Variants in PUM2 observed in about 807,000 individuals in gnomAD.
PUM2 encodes the protein pumilio RNA binding family member 2, also known as pumilio homolog 2.
A neutral mutation model predicts 124.5 loss-of-function variants in PUM2; 57 were observed. The observed-to-expected ratio is 0.46, with a 90% confidence interval of 0.37 to 0.57. The LOEUF (loss-of-function observed/expected upper bound fraction) is 0.57. PUM2 is among the 20% of genes least tolerant of loss of function. The pLI is 0.00. For synonymous variants in PUM2, 460 were observed against 446.1 expected (o/e 1.03, Z -0.39); for missense variants, 1,065 against 1,290.6 (o/e 0.83, Z 2.68).
At chr2:20,345,775 G>A (rs982622823) in intron 1 of PUM2, among the ~76,000 whole-genome samples, 27 of 152,200 alleles carry the variant, frequency 1.8e-4, no homozygotes, top group African/African-American at 6.3e-4. Flanking sequence ...GGGAGGCTGA[G>A]GCAGGAGAAT....
chr2:20,269,492 TATA>T, intron 13 of PUM2, among the ~76,000 whole-genome samples: 1 of 152,250 alleles, frequency 6.6e-6, no homozygotes, highest in Non-Finnish European at 1.5e-5. Context: ...TGAGAATGCT[TATA>T]ATAACTATAC....
intron 1 of PUM2, among the ~76,000 whole-genome samples, chr2:20,342,378 T>C (rs1021181720): frequency 3.9e-5 from 6 of 152,210 alleles, no homozygotes; most frequent in African/African-American, 9.6e-5. Context: ...ACTTGCTCCT[T>C]TGCAAGCTCT....
chr2:20,304,142 C>G (rs1218686784), intron 7 of PUM2, among the ~76,000 whole-genome samples: 1 of 152,168 alleles, frequency 6.6e-6, no homozygotes, highest in African/African-American at 2.4e-5. Flanking sequence ...GCTGGGGGAG[C>G]TCTTACATGG....
At chr2:20,327,795 T>C (rs1572950844) in intron 1 of PUM2, among the ~76,000 whole-genome samples, 2 of 152,056 alleles carry the variant, frequency 1.3e-5, no homozygotes, top group Admixed American at 6.6e-5. Context: ...CCAGCCTTAA[T>C]GGCCTGAAGA....
chr2:20,320,471 AG>A (rs1039084993), intron 2 of PUM2, among the ~76,000 whole-genome samples: 2 of 152,182 alleles, frequency 1.3e-5, no homozygotes, highest in Admixed American at 1.3e-4. Context: ...GCAGCTTTAA[AG>A]GGAAGAGAAG....
intron 15 of PUM2, among the ~76,000 whole-genome samples, chr2:20,259,392 T>A (rs748928679): frequency 9.2e-5 from 14 of 152,234 alleles, no homozygotes; most frequent in Non-Finnish European, 2.1e-4. Flanking sequence ...CCAAATCTTT[T>A]CCGTGGCCTC....
At chr2:20,260,558 T>C (rs1371868551) in intron 14 of PUM2, 92 bp from the exon 15 acceptor site, 2 of 1,127,616 alleles carry the variant, frequency 1.8e-6, no homozygotes, top group Non-Finnish European at 2.5e-6. Flanking sequence ...CTGCAAGTTA[T>C]TTCCATAAAT....
intron 1 of PUM2, among the ~76,000 whole-genome samples, chr2:20,347,567 T>C (rs1054690582): frequency 3.9e-5 from 6 of 152,234 alleles, no homozygotes; most frequent in African/African-American, 1.4e-4. Flanking sequence ...CTGTCTCCTG[T>C]CTATATATAT....
At chr2:20,328,893 T>C (rs1245527481) in intron 1 of PUM2, among the ~76,000 whole-genome samples, 1 of 152,206 alleles carries the variant, frequency 6.6e-6, no homozygotes, top group African/African-American at 2.4e-5. Flanking sequence ...GAATCTAATT[T>C]GGGTGCGGTG....
intron 1 of PUM2, among the ~76,000 whole-genome samples, chr2:20,335,619 G>C (rs1685832005): frequency 6.6e-6 from 1 of 152,120 alleles, no homozygotes; most frequent in Non-Finnish European, 1.5e-5. Flanking sequence ...TACTTTCATG[G>C]GGGAGTTACC....
chr2:20,287,455 A>T (rs1558555079), intron 10 of PUM2, among the ~76,000 whole-genome samples: 1 of 152,214 alleles, frequency 6.6e-6, no homozygotes, highest in Non-Finnish European at 1.5e-5. Flanking sequence ...AAAAAGCAAG[A>T]ACTATATACA....
At chr2:20,281,922 T>C (rs1671624130) in intron 12 of PUM2, among the ~76,000 whole-genome samples, 1 of 152,216 alleles carries the variant, frequency 6.6e-6, no homozygotes. Context: ...CTTAGAAAAC[T>C]GGCAAGCATT....
intron 1 of PUM2, among the ~76,000 whole-genome samples, chr2:20,347,310 G>C (rs1166247017): frequency 6.6e-6 from 1 of 152,124 alleles, no homozygotes; most frequent in Non-Finnish European, 1.5e-5. Context: ...TTTAATATTT[G>C]TGTTTAATTA....
At chr2:20,290,004 C>T (rs1264134586) in intron 10 of PUM2, among the ~76,000 whole-genome samples, 2 of 152,112 alleles carry the variant, frequency 1.3e-5, no homozygotes, top group African/African-American at 4.8e-5. Context: ...AAAACAAATG[C>T]TGCATTTTTT....
intron 1 of PUM2, among the ~76,000 whole-genome samples, chr2:20,342,533 CCAA>C (rs1444415666): frequency 2.0e-5 from 3 of 152,048 alleles, no homozygotes; most frequent in African/African-American, 7.2e-5. Flanking sequence ...CTAGTCATTT[CCAA>C]GACAACTTAA....
rs949253299 is a variant in PUM2 at position 20,308,235 on chromosome 2, T to A, written c.789+79A>T. On this transcript the variant is annotated intron_variant, in intron 6 of 20. Coordinates refer to ENST00000361078, the MANE Select transcript of PUM2 (RefSeq NM_015317.5). ...TAGTACTCAAAAACCCCTACCATTC[T>A]TTTCAATGCCACATAGCACTTCAGG... is the stretch of plus-strand genomic sequence containing the variant. 4.6e-6 allele frequency: 7 copies of A among 1,519,760 alleles called. No individual in the cohort carries two copies. In the African/African-American group the frequency reaches 9.7e-5, roughly 21 times the overall value. 94.1% of individuals were successfully genotyped at this position (1,519,760 alleles called of 1,614,324 possible). A position where few individuals can be genotyped will look rare whatever the true frequency, so the allele number is the denominator to read the frequency against.
At chr2:20,344,682 T>C (rs756989177) in intron 1 of PUM2, among the ~76,000 whole-genome samples, 1 of 152,010 alleles carries the variant, frequency 6.6e-6, no homozygotes, top group Non-Finnish European at 1.5e-5. Flanking sequence ...TTAACTTCTA[T>C]AACATTTTAA....
intron 13 of PUM2, among the ~76,000 whole-genome samples, chr2:20,270,551 A>AACAC (rs542665864): frequency 6.6e-6 from 1 of 151,442 alleles, no homozygotes; most frequent in African/African-American, 2.4e-5. Flanking sequence ...AAAACAAATA[A>AACAC]ACACACACAC....
Position 20,263,455 on chromosome 2 carries a change from G to A in PUM2, c.1963C>T (p.Leu655=). ...ATATATCGACCACTACCATTTGTCA[G>A]TCCTCCTACAACAAAGCAGCTATGG... The part of the protein sequence containing the change: ...GSSSSLHLGG[L]TNGSGRYISA... Residue 655 remains leucine, a synonymous_variant, in exon 14 of 21, where the codon CTG becomes TTG. Transcript: ENST00000361078. The A allele has an allele frequency of 6.2e-7, 1 of 1,607,988 alleles. No homozygotes were observed. Among genetic ancestry groups the A allele is most frequent in the Non-Finnish European group, 8.5e-7 (1 of 1,174,946 alleles).
Sources: gnomAD v4.1 joint callset for allele counts (sites outside exome capture counted in the v4.1 genomes callset) on GRCh38, gnomAD v4.1.1 for gene constraint, MANE v1.5 for transcripts, NCBI Gene and HGNC (gene_info 2026-07-23, HGNC 2026-07-21) for gene names.